The following COL19A1 variants were observed in gnomAD, a reference collection of about 807,000 sequenced individuals.
COL19A1 encodes the protein collagen type XIX alpha 1 chain.
A neutral mutation model predicts 190.2 loss-of-function variants in COL19A1; 159 were observed. That is an observed-to-expected ratio of 0.84 (90% CI 0.73 to 0.95). The LOEUF (loss-of-function observed/expected upper bound fraction) is 0.95, where lower values mean the gene tolerates loss of function less well. Among genes scored for constraint, COL19A1 ranks in the 40% least tolerant of loss-of-function variants. COL19A1 has a pLI of 0.00. For missense variants in COL19A1, 1,418 were observed against 1,431.9 expected, an observed-to-expected ratio of 0.99 and a Z score of 0.16; for synonymous variants, 509 against 458.9, an observed-to-expected ratio of 1.11 and a Z score of -1.39.
intron 47 of COL19A1, among the ~76,000 whole-genome samples, chr6:70,188,513 C>A (rs899144009): frequency 6.6e-6 from 1 of 152,208 alleles, no homozygotes; most frequent in Non-Finnish European, 1.5e-5. Context: ...TGAGCATTAA[C>A]TTGCCCAAGG....
chr6:70,121,843 T>C lies in COL19A1; in HGVS notation c.1279-37T>C, dbSNP rs77242436. ...TTTAAATATTCATTGTTTTGGTAAATGTGTATATATTTGTCTTTGATTTGT... is the reference window on the plus strand; with the variant it reads ...TTTAAATATTCATTGTTTTGGTAAACGTGTATATATTTGTCTTTGATTTGT... On this transcript the variant is annotated intron_variant, in intron 16 of 50. Coordinates refer to ENST00000620364, the MANE Select transcript of COL19A1 (RefSeq NM_001858.6). The C allele has an allele frequency of 2.9e-5, 37 of 1,257,022 alleles. No individual in the cohort carries two copies. In the East Asian group the frequency reaches 8.4e-4, roughly 29 times the overall value. The allele number at this position is 1,257,022 out of a possible 1,614,324, so 77.9% of individuals were successfully genotyped here.
chr6:69,966,064 C>A lies in COL19A1; in HGVS notation c.1026+3194C>A, dbSNP rs192422202. On this transcript the variant is annotated intron_variant, in intron 11 of 50. Coordinates refer to ENST00000620364, the MANE Select transcript of COL19A1 (RefSeq NM_001858.6). ...CCATACTATCTGTCAGCCTTCCCAG[C>A]AATGATTTCATCAAACTCTTGTTAT... Among the ~76,000 whole-genome samples, 409 of 152,322 alleles carry A rather than the reference C, an allele frequency of 2.7e-3. 6 individuals carry two copies. The highest frequency in any genetic ancestry group is 4.1e-3 in the South Asian group (20 of 4,832).
chr6:70,023,520 G>A (rs1017228004), intron 11 of COL19A1, 107 bp from the exon 12 acceptor site: 19 of 849,412 alleles, frequency 2.2e-5, no homozygotes, highest in Non-Finnish European at 3.3e-5. Context: ...CAAGGGTTTA[G>A]CAAAGTAATC....
At chr6:70,201,432 A>G (rs1019363477) in intron 49 of COL19A1, among the ~76,000 whole-genome samples, 1 of 152,280 alleles carries the variant, frequency 6.6e-6, no homozygotes, top group African/African-American at 2.4e-5. Flanking sequence ...AAGGATTTCT[A>G]TGGATTTCAT....
intron 9 of COL19A1, among the ~76,000 whole-genome samples, chr6:69,952,623 A>G (rs1774189867): frequency 1.3e-5 from 2 of 151,948 alleles, no homozygotes; most frequent in African/African-American, 4.8e-5. Context: ...TCATCATTAT[A>G]TGAGGATATG....
intron 9 of COL19A1, among the ~76,000 whole-genome samples, chr6:69,945,095 C>T (rs1035291139): frequency 3.3e-5 from 5 of 151,882 alleles, no homozygotes; most frequent in African/African-American, 1.2e-4. Flanking sequence ...AAAATATTAG[C>T]TCAATTTTAA....
chr6:69,975,771 T>C (rs1775680144), intron 11 of COL19A1, among the ~76,000 whole-genome samples: 1 of 152,180 alleles, frequency 6.6e-6, no homozygotes, highest in African/African-American at 2.4e-5. Flanking sequence ...GAATAAGACA[T>C]GACCAGAACA....
chr6:69,925,589 G>A (rs947733134), intron 4 of COL19A1, among the ~76,000 whole-genome samples: 14 of 152,078 alleles, frequency 9.2e-5, no homozygotes, highest in South Asian at 2.1e-4. Flanking sequence ...GGTTCCATAT[G>A]AACTTTAAAG....
intron 11 of COL19A1, among the ~76,000 whole-genome samples, chr6:69,969,129 A>T (rs1047174785): frequency 6.6e-6 from 1 of 152,244 alleles, no homozygotes; most frequent in Non-Finnish European, 1.5e-5. Context: ...TGAATAAAAG[A>T]TGTTCAATAA....
At chr6:70,100,097 A>G (rs1783531137) in intron 15 of COL19A1, among the ~76,000 whole-genome samples, 1 of 152,194 alleles carries the variant, frequency 6.6e-6, no homozygotes, top group Non-Finnish European at 1.5e-5. Flanking sequence ...GCCCAAATCA[A>G]TATACATGAC....
intron 3 of COL19A1, among the ~76,000 whole-genome samples, chr6:69,899,715 T>C (rs1001022691): frequency 5.3e-5 from 8 of 152,180 alleles, no homozygotes; most frequent in Non-Finnish European, 1.0e-4. Flanking sequence ...TCTTTCTCCT[T>C]CTTTTCCTCC....
Position 69,879,522 on chromosome 6 carries a change from T to C in COL19A1, c.-32-14T>C. 6.5e-7 allele frequency: 1 copy of C among 1,549,130 alleles called. No individual in the cohort carries two copies. Among genetic ancestry groups the C allele is most frequent in the Non-Finnish European group, 8.9e-7 (1 of 1,126,124 alleles). Reference sequence around the variant, plus strand: ...ACAATAAACTTTATTCAAATTTTTTTTTTTCTGTTGCAGATCCGTGGCCGT... The same window carrying C: ...ACAATAAACTTTATTCAAATTTTTTCTTTTCTGTTGCAGATCCGTGGCCGT... On this transcript the variant is annotated splice_polypyrimidine_tract_variant and intron_variant, in intron 1 of 50. Transcript: ENST00000620364.
intron 16 of COL19A1, among the ~76,000 whole-genome samples, chr6:70,112,921 C>G (rs539654253): frequency 1.2e-3 from 180 of 152,186 alleles, no homozygotes; most frequent in Non-Finnish European, 2.1e-3. Flanking sequence ...CTCAAGTGAA[C>G]ACTTTCCTGG....
intron 4 of COL19A1, among the ~76,000 whole-genome samples, chr6:69,903,379 A>G (rs753571320): frequency 4.6e-5 from 7 of 151,982 alleles, no homozygotes; most frequent in Non-Finnish European, 7.4e-5. Context: ...GTGCTAAGGG[A>G]CTTGTACTCA....
intron 17 of COL19A1, among the ~76,000 whole-genome samples, chr6:70,126,912 A>G (rs111498100): frequency 4.6e-5 from 7 of 152,296 alleles, no homozygotes; most frequent in African/African-American, 1.7e-4. Flanking sequence ...TTGTTGTCTA[A>G]ATATTTCTGT....
chr6:70,064,874 A>T (rs1395926531), intron 14 of COL19A1, among the ~76,000 whole-genome samples: 1 of 152,322 alleles, frequency 6.6e-6, no homozygotes, highest in East Asian at 1.9e-4. Flanking sequence ...CAAACAGAAT[A>T]AAATACCTAG....
chr6:70,156,441 A>G, intron 33 of COL19A1, 72 bp downstream of exon 33: 1 of 1,395,760 alleles, frequency 7.2e-7, no homozygotes, highest in Non-Finnish European at 1.0e-6. Context: ...CCCGATTTGA[A>G]AATAGACAAC....
chr6:70,150,108 C>T, intron 30 of COL19A1, 63 bp downstream of exon 30: 3 of 1,557,956 alleles, frequency 1.9e-6, no homozygotes, highest in Non-Finnish European at 2.7e-6. Context: ...AAACAGCCTA[C>T]CAAGCAAGTT....
At chr6:70,149,630 G>A in intron 27 of COL19A1, 74 bp from the exon 28 acceptor site, 1 of 1,575,212 alleles carries the variant, frequency 6.3e-7, no homozygotes, top group Non-Finnish European at 8.7e-7. Context: ...ACAATGCTTA[G>A]TCTTTTATGT....
Sources: gnomAD v4.1 joint callset for allele counts (sites outside exome capture counted in the v4.1 genomes callset) on GRCh38, gnomAD v4.1.1 for gene constraint, MANE v1.5 for transcripts, NCBI Gene and HGNC (gene_info 2026-07-23, HGNC 2026-07-21) for gene names.